NAF1: variants seen among roughly 807,000 people sequenced by gnomAD.
NAF1 encodes the protein H/ACA ribonucleoprotein complex non-core subunit NAF1.
A neutral mutation model predicts 40.6 loss-of-function variants in NAF1; 11 were observed. That is an observed-to-expected ratio of 0.27 (90% confidence interval 0.17 to 0.45). NAF1 has a LOEUF of 0.45. NAF1 is among the 20% of genes least tolerant of loss of function. The pLI, the probability that NAF1 is intolerant of heterozygous loss-of-function variation, is 1.00. For synonymous variants in NAF1, 260 were observed against 228.5 expected (o/e 1.14, Z -1.24); for missense variants, 607 against 611.1 (o/e 0.99, Z 0.07).
chr4:163,126,887 A>G, downstream of NAF1: 1 of 1,447,978 alleles, frequency 6.9e-7, no homozygotes, highest in Non-Finnish European at 9.1e-7. Flanking sequence ...AAAGACTGTA[A>G]CTCACTGCAG....
intron 7 of NAF1, among the ~76,000 whole-genome samples, chr4:163,131,785 A>C (rs1455857049): frequency 6.6e-6 from 1 of 152,238 alleles, no homozygotes; most frequent in African/African-American, 2.4e-5. Flanking sequence ...AAGACTACAG[A>C]CTAGAACAAA....
chr4:163,163,858 C>T (rs748023926), intron 2 of NAF1, among the ~76,000 whole-genome samples: 1 of 151,642 alleles, frequency 6.6e-6, no homozygotes, highest in African/African-American at 2.4e-5. Context: ...ATTTCAATTG[C>T]TATTGAAATT....
Position 163,166,849 on chromosome 4 carries a change from C to T in NAF1, c.-122G>A. Reference sequence around the variant, plus strand: ...GCAACACTGCCTGGGCCCAACTTCCCGCGTTTCTCAGGTAACTACACGCGG... The same window carrying T: ...GCAACACTGCCTGGGCCCAACTTCCTGCGTTTCTCAGGTAACTACACGCGG... On this transcript the variant is annotated 5_prime_UTR_variant, in exon 1 of 8. Transcript: ENST00000274054. The T allele has an allele frequency of 1.5e-6, 2 of 1,350,922 alleles. No individual in the cohort carries two copies. Among genetic ancestry groups the T allele is most frequent in the East Asian group, 2.6e-5 (1 of 39,092 alleles). The allele number at this position is 1,350,922 out of a possible 1,614,324, so 83.7% of individuals were successfully genotyped here. A position where few individuals can be genotyped will look rare whatever the true frequency, so the allele number is the denominator to read the frequency against.
At chr4:163,154,894 A>AC (rs536736275) in intron 2 of NAF1, among the ~76,000 whole-genome samples, 148 of 151,644 alleles carry the variant, frequency 9.8e-4, no homozygotes, top group African/African-American at 3.3e-3. Flanking sequence ...CAAAAACAAA[A>AC]AAAAAAAAAC....
At chr4:163,159,004 C>T (rs1376119138) in intron 2 of NAF1, among the ~76,000 whole-genome samples, 2 of 152,074 alleles carry the variant, frequency 1.3e-5, no homozygotes, top group African/African-American at 4.8e-5. Context: ...AGTTCCATTG[C>T]TCTTTAACAG....
downstream of NAF1, among the ~76,000 whole-genome samples, chr4:163,109,160 C>CT (rs11353573): frequency 1.3e-3 from 176 of 134,820 alleles, 1 homozygote; most frequent in Non-Finnish European, 2.1e-3. Flanking sequence ...CCTTTTCACC[C>CT]TTTTTTTTTT....
chr4:163,166,590 C>A lies in NAF1; in HGVS notation c.138G>T (p.Ser46=), dbSNP rs758757291. 4 of 1,611,476 alleles carry A rather than the reference C, an allele frequency of 2.5e-6. No individual in the cohort carries two copies. Among genetic ancestry groups the A allele is most frequent in the Non-Finnish European group, 2.5e-6 (3 of 1,179,434 alleles). The change falls in exon 1 of 8, where the codon TCG becomes TCT. Residue 46 remains serine (S), a synonymous_variant. Transcript: ENST00000274054. ...GCCCAGCGTCCGGGGACCCCTCAAA[C>A]GACTGTAGCGGCGGCTGTGTCCCTG... ...PVPGTQPPLQ[S]FEGSPDAGQT...
chr4:163,119,855 A>G (rs1486428893), intron 2 of NAF1: 1 of 152,264 alleles, frequency 6.6e-6, no homozygotes, highest in Non-Finnish European at 1.5e-5. Context: ...TGAATGAATA[A>G]AATTAATGCC....
At position 163,115,203 on chromosome 4, in the gene NAF1, T is replaced by A. The variant is rs113939734; in HGVS notation, c.115-4913A>T. Among the ~76,000 whole-genome samples the A allele has an allele frequency of 7.2e-3, 704 of 98,410 alleles. 20 individuals carry two copies. The highest frequency in any genetic ancestry group is 0.026 in the African/African-American group (580 of 22,396). The allele number at this position is 98,410 out of a possible 152,430, so 64.6% of individuals were successfully genotyped here. ...TATTGGCGATATAGGACAATAATTTTTTTATTTATTTTTTTTTTTTTTTGA... is the reference window on the plus strand; with the variant it reads ...TATTGGCGATATAGGACAATAATTTATTTATTTATTTTTTTTTTTTTTTGA... On this transcript the variant is annotated intron_variant, in intron 2 of 2. Transcript: ENST00000509434.
chr4:163,136,802 G>A (rs530579533), intron 6 of NAF1, among the ~76,000 whole-genome samples: 8 of 152,176 alleles, frequency 5.3e-5, no homozygotes, highest in African/African-American at 1.9e-4. Context: ...TCCAAAAGAA[G>A]GACAGCTATT....
chr4:163,132,800 A>G (rs1730920992), intron 7 of NAF1, among the ~76,000 whole-genome samples: 1 of 152,218 alleles, frequency 6.6e-6, no homozygotes, highest in Admixed American at 6.5e-5. Flanking sequence ...AGAAAGTTTA[A>G]TTTTCAAAAA....
intron 2 of NAF1, among the ~76,000 whole-genome samples, chr4:163,161,681 C>T (rs1047695918): frequency 6.6e-6 from 1 of 152,174 alleles, no homozygotes; most frequent in East Asian, 1.9e-4. Flanking sequence ...CTCTGCTCCT[C>T]CTAACAATGA....
At chr4:163,164,138 T>C (rs1732344971) in intron 2 of NAF1, 79 bp downstream of exon 2, 4 of 1,365,532 alleles carry the variant, frequency 2.9e-6, no homozygotes, top group South Asian at 2.0e-5. Flanking sequence ...GGAGCAGATA[T>C]AGGCAAAATT....
At chr4:163,162,855 C>G (rs772837499) in intron 2 of NAF1, among the ~76,000 whole-genome samples, 7 of 151,732 alleles carry the variant, frequency 4.6e-5, no homozygotes, top group Non-Finnish European at 1.0e-4. Flanking sequence ...ACTCAGTCCT[C>G]AAAGAACTTG....
chr4:163,134,735 A>G (rs906856457), intron 6 of NAF1, among the ~76,000 whole-genome samples: 1 of 152,238 alleles, frequency 6.6e-6, no homozygotes, highest in Admixed American at 6.5e-5. Context: ...CAATACACAC[A>G]GAGGCATGAT....
intron 7 of NAF1, 123 bp downstream of exon 7, chr4:163,133,031 T>C (rs1730927922): frequency 3.9e-6 from 3 of 775,542 alleles, no homozygotes; most frequent in Admixed American, 2.6e-5. Flanking sequence ...TGGCTCTAAA[T>C]GTTAGCAGGA....
chr4:163,120,387 C>G (rs1730482553), intron 2 of NAF1, among the ~76,000 whole-genome samples: 1 of 152,176 alleles, frequency 6.6e-6, no homozygotes, highest in African/African-American at 2.4e-5. Context: ...TGCATCTGCT[C>G]TATTTTACTA....
At chr4:163,150,778 A>C (rs1731668178) in intron 2 of NAF1, among the ~76,000 whole-genome samples, 1 of 152,100 alleles carries the variant, frequency 6.6e-6, no homozygotes, top group African/African-American at 2.4e-5. Flanking sequence ...CCTGTGATAA[A>C]TTATTTTAAG....
chr4:163,141,291 G>A (rs1040356368), intron 4 of NAF1, among the ~76,000 whole-genome samples: 9 of 152,120 alleles, frequency 5.9e-5, no homozygotes, highest in Admixed American at 2.6e-4. Flanking sequence ...TTCAACCCAG[G>A]AGGCAGAGGT....
Sources: allele counts gnomAD v4.1 joint callset (sites outside exome capture counted in the v4.1 genomes callset), GRCh38; gene constraint gnomAD v4.1.1; transcripts MANE v1.5; gene names NCBI Gene and HGNC (gene_info 2026-07-23, HGNC 2026-07-21).